LRPPRC: variants seen among roughly 807,000 people sequenced by gnomAD.
LRPPRC encodes the protein leucine rich pentatricopeptide repeat containing, also known as leucine-rich PPR motif-containing protein, mitochondrial.
LRPPRC carries 120 observed loss-of-function variants against 180.3 expected under a neutral mutation model. That is an observed-to-expected ratio of 0.67 (90% CI 0.57 to 0.77). The LOEUF is 0.77. Ranked by LOEUF, LRPPRC falls within the 30% of genes least tolerant of loss-of-function variation. LRPPRC has a pLI of 0.00. For missense variants in LRPPRC, 2,012 were observed against 1,657.2 expected (o/e 1.21, Z -3.72); for synonymous variants, 723 against 600.0 (o/e 1.21, Z -3.00).
At chr2:43,956,859 C>T (rs1013703223) in intron 14 of LRPPRC, among the ~76,000 whole-genome samples, 1 of 152,140 alleles carries the variant, frequency 6.6e-6, no homozygotes, top group African/African-American at 2.4e-5. Context: ...CACTGCATTG[C>T]AGCCTGGGCG....
Position 43,974,580 on chromosome 2 carries a change from T to A in LRPPRC, c.1009+34A>T, listed in dbSNP as rs765406686. The A allele has an allele frequency of 1.1e-5, 15 of 1,385,650 alleles. No homozygotes were observed. The East Asian group carries it at 1.4e-4, about 13-fold the overall frequency. 85.8% of individuals were successfully genotyped at this position (1,385,650 alleles called of 1,614,324 possible). A position where few individuals can be genotyped will look rare whatever the true frequency, so the allele number is the denominator to read the frequency against. On this transcript the variant is annotated intron_variant, in intron 8 of 37. Coordinates refer to ENST00000260665, the MANE Select transcript of LRPPRC (RefSeq NM_133259.4). ...GTAAGAATAGCAATTCAGATTTTTA[T>A]AAAAATCATGTAAATAGATTTTTTT...
intron 1 of LRPPRC, among the ~76,000 whole-genome samples, chr2:43,992,589 T>C (rs1674831595): frequency 6.6e-6 from 1 of 152,062 alleles, no homozygotes; most frequent in Non-Finnish European, 1.5e-5. Flanking sequence ...TCAGGGAGAC[T>C]AGGGAATGAT....
Position 43,899,232 on chromosome 2 carries a change from C to T in LRPPRC, c.3812G>A (p.Arg1271Lys). 2.5e-6 allele frequency: 4 copies of T among 1,613,614 alleles called. No homozygotes were observed. Among genetic ancestry groups the T allele is most frequent in the Non-Finnish European group, 3.4e-6 (4 of 1,179,586 alleles). The change falls in exon 34 of 38, where the codon AGA (arginine) becomes AAA (lysine). Residue 1271 changes from arginine (R) to lysine (K), a missense_variant. Coordinates refer to ENST00000260665, the MANE Select transcript of LRPPRC (RefSeq NM_133259.4). ...GAGGGTCATTACCTGTAGGAGAGCT[C>T]TGGCATCATCCACCTTGCCTGCATC... The part of the protein sequence containing the change: ...LVDAGKVDDA[R>K]ALLQRCGAIA...
intron 37 of LRPPRC, among the ~76,000 whole-genome samples, 168 bp downstream of exon 37, chr2:43,889,566 T>C (rs1011223260): frequency 6.6e-6 from 1 of 152,004 alleles, no homozygotes; most frequent in Non-Finnish European, 1.5e-5. Context: ...GTTCTCCGAC[T>C]GCCGCAGCCA....
intron 6 of LRPPRC, 75 bp downstream of exon 6, chr2:43,976,068 A>G: frequency 1.2e-6 from 1 of 839,372 alleles, no homozygotes; most frequent in Non-Finnish European, 2.1e-6. Flanking sequence ...TAACAAACAA[A>G]AAAGGAGTAA....
At chr2:43,981,580 C>A (rs910511090) in intron 2 of LRPPRC, among the ~76,000 whole-genome samples, 2 of 151,988 alleles carry the variant, frequency 1.3e-5, no homozygotes, top group Non-Finnish European at 2.9e-5. Context: ...TTGCTTGAAC[C>A]CGGGAGGCAG....
chr2:43,904,219 G>A (rs1385103764), intron 31 of LRPPRC, among the ~76,000 whole-genome samples: 1 of 152,140 alleles, frequency 6.6e-6, no homozygotes, highest in Admixed American at 6.5e-5. Context: ...TGGGATTACA[G>A]GTGTGAGCCA....
chr2:43,888,470 T>C lies in LRPPRC; in HGVS notation c.*130A>G, dbSNP rs1041697979. 1 of 654,188 alleles carries C rather than the reference T, an allele frequency of 1.5e-6. No homozygotes were observed. Among genetic ancestry groups the C allele is most frequent in the Non-Finnish European group, 2.8e-6 (1 of 357,966 alleles). The allele number at this position is 654,188 out of a possible 1,614,324, so 40.5% of individuals were successfully genotyped here. A position where few individuals can be genotyped will look rare whatever the true frequency, so the allele number is the denominator to read the frequency against. On this transcript the variant is annotated 3_prime_UTR_variant, in exon 38 of 38. Coordinates refer to ENST00000260665, the MANE Select transcript of LRPPRC (RefSeq NM_133259.4). ...GCACAGAGTTATGGTCAATAAGACT[T>C]TGAACATGCATCACACATACATAAG...
chr2:43,955,279 G>A (rs1357810739), intron 14 of LRPPRC, among the ~76,000 whole-genome samples: 1 of 151,834 alleles, frequency 6.6e-6, no homozygotes, highest in East Asian at 1.9e-4. Context: ...ACCAGCCTGG[G>A]CAACACGGTG....
At chr2:43,949,735 G>T (rs1572958349) in intron 15 of LRPPRC, 76 bp from the exon 16 acceptor site, 2 of 1,011,004 alleles carry the variant, frequency 2.0e-6, no homozygotes. Context: ...TTGAATTCTT[G>T]AAATAATAAA....
chr2:43,895,141 C>A (rs907988937), intron 35 of LRPPRC, among the ~76,000 whole-genome samples: 4 of 152,132 alleles, frequency 2.6e-5, no homozygotes, highest in Non-Finnish European at 5.9e-5. Flanking sequence ...CGAGTGAATA[C>A]AGAACTGCTA....
intron 1 of LRPPRC, among the ~76,000 whole-genome samples, chr2:43,986,915 A>C (rs1674550748): frequency 6.6e-6 from 1 of 152,254 alleles, no homozygotes; most frequent in South Asian, 2.1e-4. Context: ...ACTAGTTTTC[A>C]TAGAGCCGCT....
At position 43,889,833 on chromosome 2, in the gene LRPPRC, A is replaced by C. The variant is rs1184988202; in HGVS notation, c.4029T>G (p.His1343Gln). The change falls in exon 37 of 38, where the codon CAT becomes CAG. Residue 1343 changes from histidine (H) to glutamine (Q), a missense_variant. Transcript: ENST00000260665. The part of the protein sequence containing the change: ...DVTSAKALYE[H>Q]LTAKNTKLDD... ...CCAATTTTGTATTCTTTGCAGTCAAATGTTCATACAGTGCTTTAGCAGATG... is the reference window on the plus strand; with the variant it reads ...CCAATTTTGTATTCTTTGCAGTCAACTGTTCATACAGTGCTTTAGCAGATG... The C allele has an allele frequency of 6.2e-7, 1 of 1,609,840 alleles. No homozygotes were observed. The highest frequency in any genetic ancestry group is 8.5e-7 in the Non-Finnish European group (1 of 1,175,996).
At chr2:43,932,123 CAAAAAAAAA>C (rs746600862) in intron 25 of LRPPRC, among the ~76,000 whole-genome samples, 795 of 20,818 alleles carry the variant, frequency 0.038, 3 homozygotes, top group Admixed American at 0.058. Context: ...GACCCTGTCT[CAAAAAAAAA>C]AAAAAAAAAA....
At chr2:43,916,052 T>C (rs1671456022) in intron 29 of LRPPRC, among the ~76,000 whole-genome samples, 1 of 152,154 alleles carries the variant, frequency 6.6e-6, no homozygotes, top group South Asian at 2.1e-4. Context: ...GGCATGAGCC[T>C]GCAAGCCTGG....
In LRPPRC at chr2:43,904,936, T is replaced by C. The variant is rs551228517; in HGVS notation, c.3364+756A>G. The stretch of plus-strand genomic sequence containing the variant: ...TAAAGTGGAAAGCTACTTAGCTAAA[T>C]TTAAGAGATTCGTCATAGTGCCCCT... On this transcript the variant is annotated intron_variant, in intron 31 of 37. Coordinates refer to ENST00000260665, the MANE Select transcript of LRPPRC (RefSeq NM_133259.4). 3.9e-5 allele frequency among the ~76,000 whole-genome samples: 6 copies of C among 152,258 alleles called. No individual in the cohort carries two copies. The South Asian group carries it at 1.2e-3, about 32-fold the overall frequency.
chr2:43,978,002 T>C (rs749089878), intron 3 of LRPPRC, among the ~76,000 whole-genome samples: 1 of 152,294 alleles, frequency 6.6e-6, no homozygotes, highest in Middle Eastern at 3.4e-3. Flanking sequence ...TATGTGATTT[T>C]AGGCAGCAGA....
At position 43,948,152 on chromosome 2, in the gene LRPPRC, C is replaced by A. The variant is rs1460168772; in HGVS notation, c.1890G>T (p.Leu630=). 6.2e-7 allele frequency: 1 copy of A among 1,606,504 alleles called. No homozygotes were observed. Among genetic ancestry groups the A allele is most frequent in the African/African-American group, 1.3e-5 (1 of 74,688 alleles). The part of the protein sequence containing the change: ...ENIYRGIRNL[L]ESYHVPELIK... The stretch of plus-strand genomic sequence containing the variant: ...TCAATTCAGGAACATGGTAGCTTTC[C>A]AGGAGATTACGAATGCCTCTGTAGA... Residue 630 remains leucine (L), a synonymous_variant, in exon 18 of 38, where the codon CTG becomes CTT. Transcript: ENST00000260665.
intron 34 of LRPPRC, among the ~76,000 whole-genome samples, chr2:43,898,624 C>T (rs1670773497): frequency 6.6e-6 from 1 of 152,096 alleles, no homozygotes; most frequent in African/African-American, 2.4e-5. Context: ...GTCTCCTTCC[C>T]TGAAGGTTGC....
Sources: allele counts gnomAD v4.1 joint callset (sites outside exome capture counted in the v4.1 genomes callset), GRCh38; gene constraint gnomAD v4.1.1; transcripts MANE v1.5; gene names NCBI Gene and HGNC (gene_info 2026-07-23, HGNC 2026-07-21).